Variants in MTX2 observed in about 807,000 individuals in gnomAD.
The protein encoded by MTX2 is metaxin 2, also known as metaxin-2.
MTX2 carries 35 observed loss-of-function variants against 42.3 expected under a neutral mutation model. The observed-to-expected ratio is 0.83, with a 90% confidence interval of 0.63 to 1.10. The LOEUF is 1.10. Ranked by LOEUF, MTX2 falls within the 50% of genes least tolerant of loss-of-function variation. MTX2 has a pLI of 0.00. For missense variants in MTX2, 307 were observed against 304.1 expected (o/e 1.01, Z -0.07); for synonymous variants, 119 against 100.9 (o/e 1.18, Z -1.08).
intron 1 of MTX2, among the ~76,000 whole-genome samples, chr2:176,296,400 C>T (rs143893894): frequency 4.6e-5 from 7 of 152,170 alleles, no homozygotes; most frequent in African/African-American, 1.2e-4. Flanking sequence ...TTCTTTCTTA[C>T]AATGTCTGCT....
intron 3 of MTX2, among the ~76,000 whole-genome samples, chr2:176,308,827 C>G (rs1035416022): frequency 6.6e-6 from 1 of 151,860 alleles, no homozygotes; most frequent in Non-Finnish European, 1.5e-5. Context: ...TTTTGTTGAT[C>G]TTTTTAAAAA....
chr2:176,312,755 C>T (rs997319697), intron 3 of MTX2, among the ~76,000 whole-genome samples: 3 of 149,532 alleles, frequency 2.0e-5, no homozygotes, highest in Non-Finnish European at 3.0e-5. Flanking sequence ...CCCAGCTACT[C>T]GTGAGGCTGA....
At chr2:176,288,912 AT>A (rs1172128585) in intron 1 of MTX2, among the ~76,000 whole-genome samples, 1 of 151,670 alleles carries the variant, frequency 6.6e-6, no homozygotes, top group Admixed American at 6.6e-5. Flanking sequence ...AATTAGACTA[AT>A]TTTTTTTAGG....
intron 3 of MTX2, among the ~76,000 whole-genome samples, chr2:176,300,832 T>C (rs566654278): frequency 5.9e-5 from 9 of 152,196 alleles, no homozygotes; most frequent in African/African-American, 2.2e-4. Flanking sequence ...AATGTGAGGA[T>C]TGAATATGTT....
chr2:176,332,866 A>G (rs551898429), intron 9 of MTX2, among the ~76,000 whole-genome samples: 40 of 151,506 alleles, frequency 2.6e-4, no homozygotes, highest in Non-Finnish European at 4.7e-4. Context: ...TGAAGGTATC[A>G]GAGAGAAATA....
chr2:176,328,963 T>A lies in MTX2; in HGVS notation c.417+51T>A, dbSNP rs752198112. ...TAATTAAAATTTAATGAGAAAACAC[T>A]TTTGCTCAGAATCGCAAGTCCCTGC... On this transcript the variant is annotated intron_variant, in intron 7 of 9. Coordinates refer to ENST00000249442, the MANE Select transcript of MTX2 (RefSeq NM_006554.5). The A allele has an allele frequency of 1.1e-4, 158 of 1,484,922 alleles. 1 individual carries two copies. The South Asian group carries it at 1.7e-3, about 16-fold the overall frequency. 92.0% of individuals were successfully genotyped at this position (1,484,922 alleles called of 1,614,324 possible). A position where few individuals can be genotyped will look rare whatever the true frequency, so the allele number is the denominator to read the frequency against.
chr2:176,278,045 T>TTTG (rs1692989841), intron 1 of MTX2, among the ~76,000 whole-genome samples: 1 of 115,374 alleles, frequency 8.7e-6, no homozygotes, highest in African/African-American at 3.3e-5. Context: ...AAACTGGTTT[T>TTTG]TTTTTTTTTT....
At chr2:176,282,854 C>T (rs767870200) in intron 1 of MTX2, among the ~76,000 whole-genome samples, 8 of 151,998 alleles carry the variant, frequency 5.3e-5, no homozygotes, top group Non-Finnish European at 8.8e-5. Flanking sequence ...CAGGCATGCA[C>T]CACCACACCT....
chr2:176,269,535 T>C lies in MTX2; in HGVS notation c.-95T>C. 4 of 1,380,692 alleles carry C rather than the reference T, an allele frequency of 2.9e-6. No homozygotes were observed. Among genetic ancestry groups the C allele is most frequent in the Non-Finnish European group, 3.9e-6 (4 of 1,027,956 alleles). 85.5% of individuals were successfully genotyped at this position (1,380,692 alleles called of 1,614,324 possible). ...TTGCGAGTCTGAACGTTGGCGGGGC[T>C]AGGCTCGTTAACTGCCGAGAGCCTC... On this transcript the variant is annotated 5_prime_UTR_variant, in exon 1 of 10. Coordinates refer to ENST00000249442, the MANE Select transcript of MTX2 (RefSeq NM_006554.5).
chr2:176,323,561 T>G, intron 4 of MTX2, 97 bp downstream of exon 4: 2 of 1,157,714 alleles, frequency 1.7e-6, no homozygotes, highest in East Asian at 4.8e-5. Flanking sequence ...GCCTGATTTT[T>G]TTTGTTTACC....
intron 3 of MTX2, among the ~76,000 whole-genome samples, chr2:176,311,040 T>C (rs1684291541): frequency 6.6e-6 from 1 of 152,226 alleles, no homozygotes; most frequent in Non-Finnish European, 1.5e-5. Context: ...TGGTTTTGTC[T>C]ACCTTTGGTC....
intron 3 of MTX2, among the ~76,000 whole-genome samples, chr2:176,312,235 G>C (rs10803896): frequency 0.26 from 38,962 of 152,074 alleles, 5,966 homozygotes; most frequent in Admixed American, 0.34. Context: ...TAGTTTACTA[G>C]CTTTCTGTGA....
At chr2:176,279,528 T>TA (rs1411634339) in intron 1 of MTX2, among the ~76,000 whole-genome samples, 1 of 152,116 alleles carries the variant, frequency 6.6e-6, no homozygotes, top group African/African-American at 2.4e-5. Context: ...TTTATAAATT[T>TA]AAAAAAAGAT....
intron 3 of MTX2, among the ~76,000 whole-genome samples, chr2:176,309,610 C>G (rs576107965): frequency 1.6e-4 from 24 of 151,966 alleles, no homozygotes; most frequent in Non-Finnish European, 7.4e-5. Context: ...GGATAGTTAG[C>G]TCTTCTTGTT....
At chr2:176,270,211 C>T (rs780693324) in intron 1 of MTX2, 4 of 357,928 alleles carry the variant, frequency 1.1e-5, no homozygotes, top group East Asian at 1.6e-4. Context: ...TCTTTTGTCA[C>T]CGAGGCTGGA....
chr2:176,311,603 G>A (rs962850902), intron 3 of MTX2, among the ~76,000 whole-genome samples: 44 of 152,324 alleles, frequency 2.9e-4, no homozygotes, highest in African/African-American at 1.0e-3. Context: ...TCAAGCCTCA[G>A]CAATGGAGGA....
chr2:176,335,118 A>G (rs1482917332), intron 9 of MTX2, among the ~76,000 whole-genome samples: 1 of 152,060 alleles, frequency 6.6e-6, no homozygotes, highest in East Asian at 1.9e-4. Flanking sequence ...GAGTGACTAC[A>G]TGTCCACTTT....
intron 1 of MTX2, among the ~76,000 whole-genome samples, chr2:176,286,749 A>ACAT: frequency 6.6e-6 from 1 of 151,810 alleles, no homozygotes; most frequent in Non-Finnish European, 1.5e-5. Context: ...AGGTTTCACC[A>ACAT]TGTTGGCCAG....
chr2:176,318,663 G>A (rs1423217281), intron 3 of MTX2, among the ~76,000 whole-genome samples: 1 of 152,106 alleles, frequency 6.6e-6, no homozygotes, highest in East Asian at 1.9e-4. Context: ...TCACTTGCAG[G>A]GTTTTTGGAC....
Sources: gnomAD v4.1 joint callset for allele counts (sites outside exome capture counted in the v4.1 genomes callset) on GRCh38, gnomAD v4.1.1 for gene constraint, MANE v1.5 for transcripts, NCBI Gene and HGNC (gene_info 2026-07-23, HGNC 2026-07-21) for gene names.